The following GALNTL6 variants were observed in gnomAD, a reference collection of about 807,000 sequenced individuals.
The protein encoded by GALNTL6 is polypeptide N-acetylgalactosaminyltransferase like 6, also known as polypeptide N-acetylgalactosaminyltransferase-like 6.
A neutral mutation model predicts 73.7 loss-of-function variants in GALNTL6; 46 were observed. The observed-to-expected ratio is 0.62, with a 90% CI of 0.49 to 0.80. The LOEUF is 0.80. GALNTL6 is among the 30% of genes least tolerant of loss of function. The pLI, the probability that GALNTL6 is intolerant of heterozygous loss-of-function variation, is 0.00. For missense variants in GALNTL6, 604 were observed against 755.0 expected, an observed-to-expected ratio of 0.80 and a Z score of 2.34; for synonymous variants, 259 against 263.7, an observed-to-expected ratio of 0.98 and a Z score of 0.17.
At chr4:172,629,580 C>G (rs1388065353) in intron 5 of GALNTL6, among the ~76,000 whole-genome samples, 1 of 152,068 alleles carries the variant, frequency 6.6e-6, no homozygotes, top group Non-Finnish European at 1.5e-5. Flanking sequence ...ATAAAAAGTA[C>G]AAAATTTAAA....
chr4:172,320,387 A>C (rs1484381119), intron 4 of GALNTL6, among the ~76,000 whole-genome samples: 2 of 152,154 alleles, frequency 1.3e-5, no homozygotes, highest in Admixed American at 1.3e-4. Flanking sequence ...ATTTTGCCTG[A>C]GAGAGAAGCA....
intron 2 of GALNTL6, among the ~76,000 whole-genome samples, chr4:172,162,929 T>C (rs1423037080): frequency 6.6e-6 from 1 of 152,070 alleles, no homozygotes; most frequent in East Asian, 1.9e-4. Context: ...ATAATCAATG[T>C]TGAACACCCT....
intron 5 of GALNTL6, among the ~76,000 whole-genome samples, chr4:172,549,062 A>T (rs1735870887): frequency 6.6e-6 from 1 of 152,184 alleles, no homozygotes; most frequent in Admixed American, 6.5e-5. Context: ...TTTGAGATGT[A>T]TAGTTCCAGG....
intron 9 of GALNTL6, among the ~76,000 whole-genome samples, chr4:172,946,256 CA>C (rs543136668): frequency 1.3e-5 from 2 of 152,066 alleles, no homozygotes; most frequent in Non-Finnish European, 2.9e-5. Flanking sequence ...ATGTAATAAT[CA>C]CACCTTGCAC....
intron 5 of GALNTL6, among the ~76,000 whole-genome samples, chr4:172,710,520 A>G (rs774754059): frequency 3.9e-5 from 6 of 152,126 alleles, no homozygotes; most frequent in Admixed American, 6.5e-5. Context: ...AAAATAAAAT[A>G]CCTCTCAAGT....
rs1737721384 is a variant in GALNTL6 at position 171,919,508 on chromosome 4, A to G, written c.138+104790A>G. ...GGTCCCAATAGTTTGCATTTCAAAC[A>G]ATTAGTCAGATGATGGTGATATTAG... is the stretch of plus-strand genomic sequence containing the variant. On this transcript the variant is annotated intron_variant, in intron 2 of 12. Transcript: ENST00000506823. Among the ~76,000 whole-genome samples the G allele has an allele frequency of 2.0e-5, 3 of 152,122 alleles. No homozygotes were observed. In the South Asian group the frequency reaches 6.2e-4, roughly 32 times the overall value.
intron 2 of GALNTL6, among the ~76,000 whole-genome samples, chr4:171,975,857 T>C (rs1739705040): frequency 6.6e-6 from 1 of 152,196 alleles, no homozygotes; most frequent in South Asian, 2.1e-4. Context: ...TTGAATTCTT[T>C]GGAGACTAAA....
chr4:171,990,584 C>G (rs1425577326), intron 2 of GALNTL6, among the ~76,000 whole-genome samples: 1 of 152,122 alleles, frequency 6.6e-6, no homozygotes, highest in East Asian at 1.9e-4. Context: ...CTTGCATTCC[C>G]TATCACACGA....
At chr4:172,436,945 G>T (rs1731653495) in intron 5 of GALNTL6, among the ~76,000 whole-genome samples, 1 of 151,750 alleles carries the variant, frequency 6.6e-6, no homozygotes, top group South Asian at 2.1e-4. Context: ...TTTAAAATAT[G>T]CTTTTTAAAA....
intron 2 of GALNTL6, among the ~76,000 whole-genome samples, chr4:171,997,146 A>T (rs1740518902): frequency 6.6e-6 from 1 of 152,098 alleles, no homozygotes; most frequent in Non-Finnish European, 1.5e-5. Context: ...TCTTTGGAAA[A>T]CATATTTGAA....
intron 7 of GALNTL6, among the ~76,000 whole-genome samples, chr4:172,853,159 T>G (rs1351931028): frequency 6.6e-6 from 1 of 152,158 alleles, no homozygotes; most frequent in Non-Finnish European, 1.5e-5. Context: ...AAGGTTGTAG[T>G]CCCATCTGAA....
chr4:172,927,780 T>A (rs567996554), intron 8 of GALNTL6, among the ~76,000 whole-genome samples: 1 of 151,804 alleles, frequency 6.6e-6, no homozygotes, highest in East Asian at 1.9e-4. Context: ...AAGCCCAGAG[T>A]TTCAAAAACA....
intron 2 of GALNTL6, among the ~76,000 whole-genome samples, chr4:172,065,984 A>G (rs987525028): frequency 2.0e-5 from 3 of 152,192 alleles, no homozygotes; most frequent in African/African-American, 7.2e-5. Flanking sequence ...TCACAATTCA[A>G]GGTGAGATTT....
intron 8 of GALNTL6, among the ~76,000 whole-genome samples, chr4:172,915,944 A>T (rs1389447435): frequency 1.9e-4 from 29 of 152,208 alleles, no homozygotes; most frequent in Admixed American, 1.9e-3. Flanking sequence ...ACACAACAAA[A>T]AAAGAGAATT....
intron 3 of GALNTL6, among the ~76,000 whole-genome samples, chr4:172,239,613 T>A (rs1737352406): frequency 6.6e-6 from 1 of 152,186 alleles, no homozygotes; most frequent in South Asian, 2.1e-4. Context: ...TGGTTATTTC[T>A]TGTCTTTTGC....
chr4:172,658,611 A>C (rs1731210621), intron 5 of GALNTL6, among the ~76,000 whole-genome samples: 1 of 152,186 alleles, frequency 6.6e-6, no homozygotes, highest in Admixed American at 6.5e-5. Flanking sequence ...TCTTCCCAAG[A>C]ATCCCCGATG....
chr4:173,012,507 C>G (rs1752600498), intron 11 of GALNTL6, among the ~76,000 whole-genome samples: 1 of 152,222 alleles, frequency 6.6e-6, no homozygotes, highest in Non-Finnish European at 1.5e-5. Flanking sequence ...CCCACAGCCT[C>G]ATGGTATTCT....
At chr4:172,052,051 GC>G (rs1730889277) in intron 2 of GALNTL6, among the ~76,000 whole-genome samples, 1 of 152,050 alleles carries the variant, frequency 6.6e-6, no homozygotes, top group African/African-American at 2.4e-5. Context: ...ATGAAATATT[GC>G]CTTTAAACTT....
At chr4:172,427,167 G>A (rs762444366) in intron 5 of GALNTL6, among the ~76,000 whole-genome samples, 6 of 152,036 alleles carry the variant, frequency 3.9e-5, no homozygotes, top group Non-Finnish European at 2.9e-5. Flanking sequence ...TCTGCTTCAC[G>A]CTGCTCATAA....
Sources: gnomAD v4.1 joint callset for allele counts (sites outside exome capture counted in the v4.1 genomes callset) on GRCh38, gnomAD v4.1.1 for gene constraint, MANE v1.5 for transcripts, NCBI Gene and HGNC (gene_info 2026-07-23, HGNC 2026-07-21) for gene names.